Variants in DPYSL4 observed in about 807,000 individuals in gnomAD.
DPYSL4 encodes dihydropyrimidinase like 4.
In DPYSL4, 43 loss-of-function variants were observed where a neutral mutation model predicts 63.4. That is an observed-to-expected ratio of 0.68 (90% CI 0.53 to 0.88). The LOEUF (loss-of-function observed/expected upper bound fraction) is 0.88, where lower values mean the gene tolerates loss of function less well. DPYSL4 is among the 40% of genes least tolerant of loss of function. The probability of loss-of-function intolerance (pLI) is 0.00; values close to 1 mark genes in which losing one functional copy is unlikely to be tolerated. For synonymous variants in DPYSL4, 353 were observed against 331.7 expected, an observed-to-expected ratio of 1.06 and a Z score of -0.70; for missense variants, 733 against 819.5, an observed-to-expected ratio of 0.89 and a Z score of 1.29.
intron 6 of DPYSL4, among the ~76,000 whole-genome samples, chr10:132,197,312 G>C (rs991318767): frequency 6.6e-6 from 1 of 152,192 alleles, no homozygotes; most frequent in Non-Finnish European, 1.5e-5. Flanking sequence ...GGGGAGCTTT[G>C]AGGCCATAAA....
chr10:132,197,898 C>T (rs938307375), intron 6 of DPYSL4, among the ~76,000 whole-genome samples: 79 of 152,212 alleles, frequency 5.2e-4, no homozygotes, highest in African/African-American at 1.8e-3. Context: ...AGGAGGTTGT[C>T]CTGGGTCTAG....
chr10:132,202,322 G>A (rs573718582), intron 11 of DPYSL4, among the ~76,000 whole-genome samples: 1 of 152,368 alleles, frequency 6.6e-6, no homozygotes, highest in Non-Finnish European at 1.5e-5. Flanking sequence ...CTGCATCTGT[G>A]GTCCCCTTGT....
In DPYSL4 at chr10:132,190,803, C is replaced by G; in HGVS notation, c.96C>G (p.Tyr32Ter). Residue 32 changes from tyrosine to a stop codon, truncating the protein, a stop_gained, in exon 2 of 14, where the codon TAC becomes TAG. Transcript: ENST00000338492. LOFTEE classifies it high-confidence loss of function. ...GRIVNDDQSFYADVHVEDGLI... is the reference protein window; with the variant it reads ...GRIVNDDQSF ...TCGTGAATGACGACCAGTCCTTTTA[C>G]GCTGATGTGCACGTGGAAGATGGCT... 1.2e-6 allele frequency: 2 copies of G among 1,613,650 alleles called. No homozygotes were observed. Among genetic ancestry groups the G allele is most frequent in the Non-Finnish European group, 1.7e-6 (2 of 1,179,762 alleles).
chr10:132,190,933 G>A, intron 2 of DPYSL4, 98 bp downstream of exon 2: 1 of 1,211,186 alleles, frequency 8.3e-7, no homozygotes, highest in Non-Finnish European at 1.2e-6. Flanking sequence ...CAGCTCGTGT[G>A]TACACGCTGG....
rs569605145 is a variant in DPYSL4, at chr10:132,196,772, C to T, written c.479-89C>T. On this transcript the variant is annotated intron_variant, in intron 4 of 13. Coordinates refer to ENST00000338492, the MANE Select transcript of DPYSL4 (RefSeq NM_006426.3). ...CACTGCGGGGGAGGGGCCCAAGACC[C>T]CCAACCCTCCAGTGGGCAGGAGCAG... 64 of 1,496,242 alleles carry T rather than the reference C, an allele frequency of 4.3e-5. No individual in the cohort carries two copies. In the African/African-American group the frequency reaches 4.9e-4, roughly 12 times the overall value. The allele number at this position is 1,496,242 out of a possible 1,614,324, so 92.7% of individuals were successfully genotyped here. A position where few individuals can be genotyped will look rare whatever the true frequency, so the allele number is the denominator to read the frequency against.
rs1443913381 is a variant in DPYSL4 at position 132,200,828 on chromosome 10, T to C, written c.969-14T>C. The C allele has an allele frequency of 1.9e-6, 3 of 1,610,826 alleles. No homozygotes were observed. The highest frequency in any genetic ancestry group is 1.7e-4 in the Middle Eastern group (1 of 5,802). ...CAGGAAGGCCAGGACCCTCTGACCC[T>C]GGCTTGTTTCCAGCGGGGACCTCCA... On this transcript the variant is annotated splice_polypyrimidine_tract_variant and intron_variant, in intron 9 of 13. Transcript: ENST00000338492.
At chr10:132,202,510 C>A in intron 11 of DPYSL4, 136 bp from the exon 12 acceptor site, 1 of 1,156,126 alleles carries the variant, frequency 8.6e-7, no homozygotes, top group Non-Finnish European at 1.2e-6. Flanking sequence ...TCAGTTCCAG[C>A]ATCTTGCTAG....
At chr10:132,196,993 C>T (rs1365039499) in intron 5 of DPYSL4, 28 bp from the exon 6 acceptor site, 1 of 1,612,448 alleles carries the variant, frequency 6.2e-7, no homozygotes. Context: ...CGCAGCCCCA[C>T]CCAGGACGCC....
At chr10:132,189,575 G>A (rs957122408) in intron 1 of DPYSL4, among the ~76,000 whole-genome samples, 11 of 152,116 alleles carry the variant, frequency 7.2e-5, no homozygotes, top group South Asian at 2.1e-4. Flanking sequence ...GAGTGCGTCC[G>A]AGCTGCACTG....
intron 3 of DPYSL4, among the ~76,000 whole-genome samples, chr10:132,193,144 C>G (rs1372212156): frequency 6.6e-6 from 1 of 152,106 alleles, no homozygotes; most frequent in Non-Finnish European, 1.5e-5. Context: ...GGTTGGAAAA[C>G]TCAAATGCCT....
Position 132,187,016 on chromosome 10 carries a change from C to CCGGGGGGGGGGG in DPYSL4, c.-48_-47insCGGGGGGGGGGG. 1 of 257,560 alleles carries CCGGGGGGGGGGG rather than the reference C, an allele frequency of 3.9e-6. No individual in the cohort carries two copies. Among genetic ancestry groups the CCGGGGGGGGGGG allele is most frequent in the Non-Finnish European group, 6.8e-6 (1 of 147,024 alleles). The allele number at this position is 257,560 out of a possible 1,614,324, so 16.0% of individuals were successfully genotyped here. On this transcript the variant is annotated 5_prime_UTR_variant, in exon 1 of 14. Coordinates refer to ENST00000338492, the MANE Select transcript of DPYSL4 (RefSeq NM_006426.3). ...GCGTCCCCCCGCCCGCCCGCCCGCC[C>CCGGGGGGGGGGG]GCCCGCCCCCGCTTGTGCCGCCCCT... is the stretch of plus-strand genomic sequence containing the variant.
chr10:132,192,557 CTG>C (rs1360963325), intron 2 of DPYSL4, 99 bp from the exon 3 acceptor site: 25 of 1,479,544 alleles, frequency 1.7e-5, no homozygotes, highest in Non-Finnish European at 2.1e-5. Flanking sequence ...TCCTCGGGGT[CTG>C]GAGCTCATGC....
At chr10:132,203,251 C>A (rs1418429557) in intron 12 of DPYSL4, among the ~76,000 whole-genome samples, 2 of 150,652 alleles carry the variant, frequency 1.3e-5, no homozygotes, top group East Asian at 4.0e-4. Flanking sequence ...CTCCTCTCCA[C>A]ATGGGCTCTC....
chr10:132,199,799 G>T (rs532122847), intron 8 of DPYSL4, among the ~76,000 whole-genome samples: 58 of 152,198 alleles, frequency 3.8e-4, no homozygotes, highest in African/African-American at 1.3e-3. Flanking sequence ...GCGTGCAGGT[G>T]AATGGGGGTC....
chr10:132,197,244 G>A, intron 6 of DPYSL4, 143 bp downstream of exon 6: 1 of 735,892 alleles, frequency 1.4e-6, no homozygotes, highest in East Asian at 2.8e-5. Flanking sequence ...TTGAGGGAGG[G>A]TCATAGCTTA....
chr10:132,190,602 A>G, intron 1 of DPYSL4, 145 bp from the exon 2 acceptor site: 1 of 690,928 alleles, frequency 1.4e-6, no homozygotes, highest in Non-Finnish European at 2.3e-6. Context: ...GGGAATAGTA[A>G]GCCGCTGCAG....
chr10:132,192,770 C>A lies in DPYSL4; in HGVS notation c.241C>A (p.Leu81Met), dbSNP rs750015284. 5.9e-5 allele frequency: 95 copies of A among 1,613,176 alleles called. No homozygotes were observed. The highest frequency in any genetic ancestry group is 1.3e-4 in the Admixed American group (8 of 59,996). ...DVHTRLQMPV[L>M]GMTPADDFCQ... ...CCACACAAGGCTGCAGATGCCTGTC[C>A]TGGGCATGACACCGGCTGACGACTT... The change falls in exon 3 of 14, where the codon CTG (leucine) becomes ATG (methionine). Residue 81 changes from leucine (L) to methionine (M), a missense_variant. Coordinates refer to ENST00000338492, the MANE Select transcript of DPYSL4 (RefSeq NM_006426.3).
chr10:132,190,831 A>G lies in DPYSL4; in HGVS notation c.124A>G (p.Ile42Val), dbSNP rs1424667888. 1 of 1,612,714 alleles carries G rather than the reference A, an allele frequency of 6.2e-7. No individual in the cohort carries two copies. The highest frequency in any genetic ancestry group is 8.5e-7 in the Non-Finnish European group (1 of 1,179,208). The change falls in exon 2 of 14, where the codon ATA becomes GTA. Residue 42 changes from isoleucine to valine, a missense_variant. By Grantham distance (29) the Ile-to-Val change is conservative (BLOSUM62 3). Coordinates refer to ENST00000338492, the MANE Select transcript of DPYSL4 (RefSeq NM_006426.3). The stretch of plus-strand genomic sequence containing the variant: ...TGATGTGCACGTGGAAGATGGCTTG[A>G]TAAAGTAAGTTTCCGCCGAAAATGA... ...YADVHVEDGL[I>V]KQIGENLIVP... is the part of the protein sequence containing the mutation.
At chr10:132,196,501 G>C (rs1325413719) in intron 4 of DPYSL4, among the ~76,000 whole-genome samples, 1 of 152,226 alleles carries the variant, frequency 6.6e-6, no homozygotes, top group African/African-American at 2.4e-5. Flanking sequence ...CTTCCAGGAG[G>C]GAGCCAGTGG....
Sources: gnomAD v4.1 joint callset for allele counts (sites outside exome capture counted in the v4.1 genomes callset) on GRCh38, gnomAD v4.1.1 for gene constraint, MANE v1.5 for transcripts, NCBI Gene and HGNC (gene_info 2026-07-23, HGNC 2026-07-21) for gene names.